The following NDST3 variants were observed in gnomAD, a reference collection of about 807,000 sequenced individuals.
NDST3 encodes bifunctional heparan sulfate N-deacetylase/N-sulfotransferase 3.
NDST3 carries 58 observed loss-of-function variants against 96.1 expected under a neutral mutation model. The ratio of observed to expected loss-of-function variants is 0.60; its 90% CI spans 0.49 to 0.75. The LOEUF (loss-of-function observed/expected upper bound fraction) is 0.75, where lower values mean the gene tolerates loss of function less well. Among genes scored for constraint, NDST3 ranks in the 30% least tolerant of loss-of-function variants. The probability of loss-of-function intolerance (pLI) is 0.00; values close to 1 mark genes in which losing one functional copy is unlikely to be tolerated. For missense variants in NDST3, 788 were observed against 1,034.2 expected, an observed-to-expected ratio of 0.76 and a Z score of 3.27; for synonymous variants, 333 against 359.7, an observed-to-expected ratio of 0.93 and a Z score of 0.84.
intron 6 of NDST3, among the ~76,000 whole-genome samples, chr4:118,217,054 T>C (rs559846417): frequency 1.2e-4 from 19 of 152,164 alleles, no homozygotes; most frequent in African/African-American, 4.6e-4. Flanking sequence ...AACTAGGGGC[T>C]CTAGGGCTTG....
chr4:118,176,188 C>T (rs182469103), intron 6 of NDST3, among the ~76,000 whole-genome samples: 5 of 151,612 alleles, frequency 3.3e-5, no homozygotes, highest in Admixed American at 6.6e-5. Context: ...TAAAAAAAAC[C>T]CTGCAAGCAA....
intron 6 of NDST3, among the ~76,000 whole-genome samples, chr4:118,209,629 T>C (rs1033959969): frequency 6.6e-5 from 10 of 152,168 alleles, no homozygotes; most frequent in African/African-American, 2.2e-4. Context: ...CCAGAAAAAT[T>C]ATGTGAGAGA....
chr4:118,239,277 A>G (rs1578860217), intron 10 of NDST3, among the ~76,000 whole-genome samples: 1 of 152,248 alleles, frequency 6.6e-6, no homozygotes, highest in East Asian at 1.9e-4. Flanking sequence ...GAAGTTCACA[A>G]GAGGAAGAAC....
In NDST3 at chr4:118,237,050, A is replaced by G; in HGVS notation, c.1948A>G (p.Met650Val). ...AGAAAAATATTCCTTTTCTAGGTAT[A>G]TGGATTTCTTCCCAGTCCCATCTAA... ...NNYHRGIDWY[M>V]DFFPVPSNVT... Residue 650 changes from methionine (M) to valine (V), a missense_variant, in exon 10 of 14, where the codon ATG (methionine) becomes GTG (valine). Physicochemically the swap from Met to Val is conservative, Grantham distance 21 (BLOSUM62 1). Around this residue, in one of 3 missense-constraint regions of NDST3, gnomAD observed 490 missense variants for 708.8 expected, o/e 0.69. Transcript: ENST00000296499. The G allele has an allele frequency of 6.3e-7, 1 of 1,597,520 alleles. No individual in the cohort carries two copies. The highest frequency in any genetic ancestry group is 8.5e-7 in the Non-Finnish European group (1 of 1,171,338).
chr4:118,138,669 G>C (rs2125900049), intron 5 of NDST3, among the ~76,000 whole-genome samples: 1 of 152,236 alleles, frequency 6.6e-6, no homozygotes, highest in Non-Finnish European at 1.5e-5. Flanking sequence ...TCAACCATTT[G>C]CAGCCAGAAG....
intron 6 of NDST3, chr4:118,194,648 C>A: frequency 4.4e-6 from 3 of 676,590 alleles, no homozygotes; most frequent in Non-Finnish European, 8.2e-6. Context: ...TCTCGATGAC[C>A]TTCAGCATGC....
chr4:118,121,988 T>C (rs369432593), intron 4 of NDST3, among the ~76,000 whole-genome samples: 15 of 152,318 alleles, frequency 9.8e-5, no homozygotes, highest in East Asian at 7.7e-4. Flanking sequence ...TCTAACAAGA[T>C]AGACATTGTA....
At chr4:118,178,243 G>A (rs986798011) in intron 6 of NDST3, among the ~76,000 whole-genome samples, 14 of 152,086 alleles carry the variant, frequency 9.2e-5, no homozygotes, top group African/African-American at 2.6e-4. Context: ...ACTCAGTAGT[G>A]TCAAGCACAT....
chr4:118,154,964 T>C (rs75702439), intron 6 of NDST3, among the ~76,000 whole-genome samples: 2,088 of 152,158 alleles, frequency 0.014, 21 homozygotes, highest in Middle Eastern at 0.075. Context: ...AGCAAAAAAA[T>C]AGTGCTTTTG....
chr4:118,176,871 T>C (rs187096189), intron 6 of NDST3, among the ~76,000 whole-genome samples: 2 of 152,118 alleles, frequency 1.3e-5, no homozygotes, highest in East Asian at 3.9e-4. Flanking sequence ...AACTTGAAAT[T>C]TGAAAGTAAA....
chr4:118,140,289 T>C (rs936584849), intron 5 of NDST3, among the ~76,000 whole-genome samples: 3 of 152,186 alleles, frequency 2.0e-5, no homozygotes, highest in Non-Finnish European at 4.4e-5. Flanking sequence ...CCTTAGTATA[T>C]AGCAACTCAA....
At position 118,255,710 on chromosome 4, in the gene NDST3, T is replaced by C. The variant is rs201978698; in HGVS notation, c.2620T>C (p.Ter874GlnextTer2). The C allele has an allele frequency of 1.3e-5, 21 of 1,609,230 alleles. No individual in the cohort carries two copies. The highest frequency in any genetic ancestry group is 4.0e-5 in the African/African-American group (3 of 74,694). The change falls in exon 14 of 14, where the codon TAG (stop) becomes CAG (glutamine). Residue 874 changes from the stop codon to glutamine, a stop_lost. Coordinates refer to ENST00000296499, the MANE Select transcript of NDST3 (RefSeq NM_004784.3). ...GAGACAGGAGCTGCAGAAAGTAAGA[T>C]AGCACTGAGAGAAAACTTGAGACTT... is the stretch of plus-strand genomic sequence containing the variant. ...WLRQELQKVR[*>Q]
At chr4:118,209,029 A>G (rs1249391851) in intron 6 of NDST3, among the ~76,000 whole-genome samples, 1 of 105,288 alleles carries the variant, frequency 9.5e-6, no homozygotes, top group Non-Finnish European at 2.2e-5. Context: ...ATTCATTCAC[A>G]TATGAGCCAA....
At chr4:118,049,319 A>C (rs1477376409) in intron 1 of NDST3, among the ~76,000 whole-genome samples, 2 of 152,062 alleles carry the variant, frequency 1.3e-5, no homozygotes, top group African/African-American at 4.8e-5. Flanking sequence ...GGGAACTAAA[A>C]TAAAGGAACA....
rs768620673 is a variant in NDST3, at chr4:118,138,264, G to A, written c.1410+25G>A. ...GGTGAGCTTCCTCCAGTATGCATAG[G>A]GTACAACTAATTCTGCAAGATTTCA... is the stretch of plus-strand genomic sequence containing the variant. On this transcript the variant is annotated intron_variant, in intron 5 of 13. Transcript: ENST00000296499. The A allele has an allele frequency of 2.6e-6, 4 of 1,567,262 alleles. No individual in the cohort carries two copies. The East Asian group carries it at 9.1e-5, about 36-fold the overall frequency.
intron 4 of NDST3, among the ~76,000 whole-genome samples, chr4:118,116,403 A>C (rs1373142020): frequency 5.3e-5 from 8 of 152,202 alleles, no homozygotes; most frequent in African/African-American, 1.9e-4. Context: ...ACAGCTTTCC[A>C]AAAATAATGT....
At chr4:118,177,398 C>G (rs1736343376) in intron 6 of NDST3, among the ~76,000 whole-genome samples, 1 of 152,018 alleles carries the variant, frequency 6.6e-6, no homozygotes, top group African/African-American at 2.4e-5. Context: ...GCAAAAGCAT[C>G]CTTCTACCAA....
chr4:118,146,613 T>G (rs1733967129), intron 6 of NDST3, among the ~76,000 whole-genome samples: 1 of 152,166 alleles, frequency 6.6e-6, no homozygotes, highest in Non-Finnish European at 1.5e-5. Flanking sequence ...TACCAAAATA[T>G]TTGTCATGTA....
At chr4:118,089,925 C>T (rs1013013477) in intron 2 of NDST3, among the ~76,000 whole-genome samples, 1 of 151,950 alleles carries the variant, frequency 6.6e-6, no homozygotes, top group African/African-American at 2.4e-5. Flanking sequence ...GTCAAGCTTA[C>T]TCCATCATGG....
Sources: allele counts gnomAD v4.1 joint callset (sites outside exome capture counted in the v4.1 genomes callset), GRCh38; gene constraint gnomAD v4.1.1; regional missense constraint gnomAD v4.1.1; transcripts MANE v1.5; gene names NCBI Gene and HGNC (gene_info 2026-07-23, HGNC 2026-07-21).